Variants in HNRNPR observed in about 807,000 individuals in gnomAD.
HNRNPR encodes the protein heterogeneous nuclear ribonucleoprotein R.
Under a neutral mutation model 70.3 loss-of-function variants are expected in HNRNPR, and 4 were observed. That is an observed-to-expected ratio of 0.06 (90% CI 0.03 to 0.13). The LOEUF (loss-of-function observed/expected upper bound fraction) is 0.13. Ranked by LOEUF, HNRNPR falls within the 10% of genes least tolerant of loss-of-function variation. The pLI, the probability that HNRNPR is intolerant of heterozygous loss-of-function variation, is 1.00. For missense variants in HNRNPR, 423 were observed against 788.5 expected (o/e 0.54, Z 5.55); for synonymous variants, 241 against 267.6 (o/e 0.90, Z 0.97).
intron 1 of HNRNPR, among the ~76,000 whole-genome samples, chr1:23,344,006 G>C (rs1049647978): frequency 6.6e-6 from 1 of 152,152 alleles, no homozygotes; most frequent in Non-Finnish European, 1.5e-5. Context: ...GGCGGGGGGA[G>C]GAAGAGCGAG....
chr1:23,339,604 C>T (rs1646635235), intron 2 of HNRNPR, among the ~76,000 whole-genome samples: 1 of 152,122 alleles, frequency 6.6e-6, no homozygotes, highest in South Asian at 2.1e-4. Flanking sequence ...AAAGTGACTC[C>T]ATTTTGATAA....
chr1:23,307,797 CTT>C lies in HNRNPR; in HGVS notation c.*2655_*2656del, dbSNP rs1480128701. 1 of 151,900 alleles carries C rather than the reference CTT, an allele frequency of 6.6e-6. No individual in the cohort carries two copies. The highest frequency in any genetic ancestry group is 1.5e-5 in the Non-Finnish European group (1 of 67,906). The allele number at this position is 151,900 out of a possible 1,614,324, so 9.4% of individuals were successfully genotyped here. On this transcript the variant is annotated 3_prime_UTR_variant, in exon 11 of 11. Coordinates refer to ENST00000302271, the MANE Select transcript of HNRNPR (RefSeq NM_005826.5). Reference sequence around the variant, plus strand: ...ACCTCAATATATTTCCCAACACACACTTTACTGTAACAGGCTCATAAATAAAG... The same window carrying C: ...ACCTCAATATATTTCCCAACACACACTACTGTAACAGGCTCATAAATAAAG...
chr1:23,323,830 G>T, intron 5 of HNRNPR, 98 bp from the exon 6 acceptor site: 1 of 917,462 alleles, frequency 1.1e-6, no homozygotes, highest in Non-Finnish European at 1.7e-6. Context: ...GGCAGAAGAA[G>T]ATGGTTAAGA....
chr1:23,334,297 C>T (rs1247767723), intron 4 of HNRNPR, among the ~76,000 whole-genome samples: 1 of 143,390 alleles, frequency 7.0e-6, no homozygotes, highest in Non-Finnish European at 1.5e-5. Context: ...AGTGCAGTAG[C>T]GCGATCTCGG....
chr1:23,310,689 C>T lies in HNRNPR; in HGVS notation c.1667G>A (p.Arg556His), dbSNP rs777317301. ...RGGPAQQQRG[R>H]GSRGSRGNRG... Reference sequence around the variant, plus strand: ...ATTGCCCCGAGATCCACGGGAACCACGGCCTCTCTGCTGTTGAGCAGGACC... The same window carrying T: ...ATTGCCCCGAGATCCACGGGAACCATGGCCTCTCTGCTGTTGAGCAGGACC... Residue 556 changes from arginine (R) to histidine (H), a missense_variant, in exon 11 of 11, where the codon CGT becomes CAT. Transcript: ENST00000302271. The surrounding 1 kb of genome is among the most constrained non-coding windows in gnomAD (Gnocchi z 6.0). 8.1e-6 allele frequency: 13 copies of T among 1,613,520 alleles called. No homozygotes were observed. The highest frequency in any genetic ancestry group is 1.1e-5 in the South Asian group (1 of 91,032).
intron 4 of HNRNPR, among the ~76,000 whole-genome samples, chr1:23,336,571 CAAAAAAAAAAAA>C (rs869203047): frequency 2.4e-4 from 10 of 41,184 alleles, no homozygotes; most frequent in East Asian, 8.4e-4. Flanking sequence ...GACTCCGTCT[CAAAAAAAAAAAA>C]AAAAAAAAAA....
At chr1:23,327,743 T>A (rs1474460656) in intron 5 of HNRNPR, among the ~76,000 whole-genome samples, 1 of 151,434 alleles carries the variant, frequency 6.6e-6, no homozygotes, top group East Asian at 1.9e-4. Flanking sequence ...TTAAGAGGTA[T>A]TAAATGTTAA....
chr1:23,321,791 G>T, intron 6 of HNRNPR, 128 bp from the exon 7 acceptor site: 1 of 811,972 alleles, frequency 1.2e-6, no homozygotes, highest in African/African-American at 1.7e-5. Flanking sequence ...GTTCCCTCAT[G>T]CTTTCCATAA....
chr1:23,335,306 G>T (rs1431605530), intron 4 of HNRNPR, among the ~76,000 whole-genome samples: 2 of 152,218 alleles, frequency 1.3e-5, no homozygotes, highest in Non-Finnish European at 2.9e-5. Context: ...AGGGATGCAT[G>T]CCTTCGGCCT....
intron 5 of HNRNPR, among the ~76,000 whole-genome samples, chr1:23,330,462 G>A (rs888407695): frequency 6.6e-6 from 1 of 152,104 alleles, no homozygotes; most frequent in Admixed American, 6.6e-5. Flanking sequence ...TTGAACCTGG[G>A]AGGCGGAGGT....
At chr1:23,313,468 G>T in intron 9 of HNRNPR, 85 bp downstream of exon 9, 1 of 886,116 alleles carries the variant, frequency 1.1e-6, no homozygotes, top group Non-Finnish European at 1.7e-6. Flanking sequence ...AACCAATATT[G>T]TTTCAGTTTT....
chr1:23,341,016 T>C lies in HNRNPR; in HGVS notation c.-8A>G, dbSNP rs375890396. 8.1e-5 allele frequency: 130 copies of C among 1,601,138 alleles called. No homozygotes were observed. Among genetic ancestry groups the C allele is most frequent in the Non-Finnish European group, 1.1e-4 (127 of 1,175,776 alleles). On this transcript the variant is annotated splice_region_variant and 5_prime_UTR_variant, in exon 2 of 11. Coordinates refer to ENST00000302271, the MANE Select transcript of HNRNPR (RefSeq NM_005826.5). ...ATTCACCTGATTAGCCATTTTATTA[T>C]GCTGCTGGAAAAAATTCAGGAGCTA...
Position 23,340,841 on chromosome 1 carries a change from G to A in HNRNPR, c.157+11C>T, listed in dbSNP as rs759076025. ...TCATAACCAGTCAGAAACAAGAAAT[G>A]CATATTATACCTGTCTGAAATATTT... is the stretch of plus-strand genomic sequence containing the variant. On this transcript the variant is annotated intron_variant, in intron 2 of 10. Coordinates refer to ENST00000302271, the MANE Select transcript of HNRNPR (RefSeq NM_005826.5). 6.3e-7 allele frequency: 1 copy of A among 1,591,936 alleles called. No individual in the cohort carries two copies. The highest frequency in any genetic ancestry group is 8.5e-7 in the Non-Finnish European group (1 of 1,170,798).
At chr1:23,325,600 A>G (rs754405946) in intron 5 of HNRNPR, among the ~76,000 whole-genome samples, 28 of 152,112 alleles carry the variant, frequency 1.8e-4, no homozygotes, top group Admixed American at 3.3e-4. Context: ...CACAATGTCT[A>G]CTTTCACTTC....
At chr1:23,338,031 C>A in intron 3 of HNRNPR, 170 bp from the exon 4 acceptor site, 1 of 574,602 alleles carries the variant, frequency 1.7e-6, no homozygotes, top group Non-Finnish European at 3.1e-6. Context: ...GAGCAGACAG[C>A]AGTAAGGCAG....
intron 6 of HNRNPR, among the ~76,000 whole-genome samples, chr1:23,323,082 G>T (rs553599070): frequency 1.2e-4 from 19 of 152,256 alleles, no homozygotes; most frequent in Admixed American, 5.9e-4. Context: ...TAGAAAATAT[G>T]AAATAAATCG....
intron 6 of HNRNPR, among the ~76,000 whole-genome samples, chr1:23,322,506 G>C (rs1645799838): frequency 6.6e-6 from 1 of 152,176 alleles, no homozygotes; most frequent in African/African-American, 2.4e-5. Flanking sequence ...AAAGTGCTGG[G>C]ATTACAGGCG....
At chr1:23,339,637 T>C (rs1242013111) in intron 2 of HNRNPR, among the ~76,000 whole-genome samples, 1 of 152,190 alleles carries the variant, frequency 6.6e-6, no homozygotes, top group Non-Finnish European at 1.5e-5. Context: ...CTTTATTCCA[T>C]ATAGTAAATT....
Position 23,306,972 on chromosome 1 carries a change from A to C in HNRNPR, c.*3482T>G, listed in dbSNP as rs1645211821. ...ATAAACACACTTATAAATCCAGTGT[A>C]GTCTTTCTATAAGGCTTTTTCTTAG... is the stretch of plus-strand genomic sequence containing the variant. On this transcript the variant is annotated 3_prime_UTR_variant, in exon 11 of 11. Coordinates refer to ENST00000302271, the MANE Select transcript of HNRNPR (RefSeq NM_005826.5). 6.6e-6 allele frequency: 1 copy of C among 152,222 alleles called. No homozygotes were observed. Among genetic ancestry groups the C allele is most frequent in the South Asian group, 2.1e-4 (1 of 4,836 alleles). 9.4% of individuals were successfully genotyped at this position (152,222 alleles called of 1,614,324 possible). A position where few individuals can be genotyped will look rare whatever the true frequency, so the allele number is the denominator to read the frequency against.
Sources: allele counts gnomAD v4.1 joint callset (sites outside exome capture counted in the v4.1 genomes callset), GRCh38; gene constraint gnomAD v4.1.1; non-coding constraint Gnocchi (gnomAD v3.1); transcripts MANE v1.5; gene names NCBI Gene and HGNC (gene_info 2026-07-23, HGNC 2026-07-21).